The following AGMO variants were observed in gnomAD, a reference collection of about 807,000 sequenced individuals.
The protein encoded by AGMO is alkylglycerol monooxygenase.
A neutral mutation model predicts 60.2 loss-of-function variants in AGMO; 75 were observed. The observed-to-expected ratio is 1.25, with a 90% CI of 1.03 to 1.51. The LOEUF (loss-of-function observed/expected upper bound fraction) is 1.51. AGMO is among the 40% of genes most tolerant of loss of function. AGMO has a pLI of 0.00. For missense variants in AGMO, 763 were observed against 525.5 expected (o/e 1.45, Z -4.42); for synonymous variants, 261 against 177.1 (o/e 1.47, Z -3.76).
At chr7:15,520,869 T>C (rs1190361788) in intron 3 of AGMO, among the ~76,000 whole-genome samples, 2 of 152,002 alleles carry the variant, frequency 1.3e-5, no homozygotes, top group Non-Finnish European at 2.9e-5. Context: ...CTGAAGGATA[T>C]AAAGACATGA....
chr7:15,186,518 A>G, the AGMO span, among the ~76,000 whole-genome samples: 1 of 152,186 alleles, frequency 6.6e-6, no homozygotes, highest in Non-Finnish European at 1.5e-5. Flanking sequence ...GCAAAGAATG[A>G]GTAGGAAGAA....
rs1784277726 is a variant in AGMO at position 15,394,272 on chromosome 7, G to C, written c.610-93C>G. 3 of 967,476 alleles carry C rather than the reference G, an allele frequency of 3.1e-6. No homozygotes were observed. In the East Asian group the frequency reaches 7.3e-5, roughly 24 times the overall value. 59.9% of individuals were successfully genotyped at this position (967,476 alleles called of 1,614,324 possible). On this transcript the variant is annotated intron_variant, in intron 5 of 12. Coordinates refer to ENST00000342526, the MANE Select transcript of AGMO (RefSeq NM_001004320.2). ...CACATTAGAAACTCACATAAATTAAGAGATATTGCGAATTTCAGGGTTGGT... is the reference window on the plus strand; with the variant it reads ...CACATTAGAAACTCACATAAATTAACAGATATTGCGAATTTCAGGGTTGGT...
chr7:15,266,938 C>A (rs1783449717), intron 12 of AGMO, among the ~76,000 whole-genome samples: 1 of 151,918 alleles, frequency 6.6e-6, no homozygotes, highest in Admixed American at 6.6e-5. Context: ...ACAGAAGAGG[C>A]AATCTACTCT....
chr7:15,121,335 C>T, the AGMO span, among the ~76,000 whole-genome samples: 2 of 151,912 alleles, frequency 1.3e-5, no homozygotes, highest in African/African-American at 4.8e-5. Flanking sequence ...GGGTATATAC[C>T]CAGTGATGGG....
intron 3 of AGMO, among the ~76,000 whole-genome samples, chr7:15,491,788 C>T (rs1562533887): frequency 6.6e-6 from 1 of 152,160 alleles, no homozygotes. Context: ...AAAATTATCT[C>T]AGGGCATTAT....
chr7:15,494,322 A>C (rs1783163240), intron 3 of AGMO, among the ~76,000 whole-genome samples: 1 of 152,200 alleles, frequency 6.6e-6, no homozygotes, highest in Non-Finnish European at 1.5e-5. Flanking sequence ...GTTAAAACTG[A>C]ATTTCATACC....
At chr7:15,120,917 C>T in the AGMO span, among the ~76,000 whole-genome samples, 3 of 152,168 alleles carry the variant, frequency 2.0e-5, no homozygotes, top group African/African-American at 7.2e-5. Flanking sequence ...AACCCGTCTT[C>T]CAGGTTTTAA....
the AGMO span, among the ~76,000 whole-genome samples, chr7:15,140,180 G>C: frequency 4.6e-5 from 7 of 151,726 alleles, no homozygotes; most frequent in African/African-American, 1.2e-4. Context: ...ATAAATTAAA[G>C]CAATAATGAA....
intron 3 of AGMO, among the ~76,000 whole-genome samples, chr7:15,461,846 A>G (rs568789758): frequency 6.6e-6 from 1 of 152,238 alleles, no homozygotes; most frequent in Non-Finnish European, 1.5e-5. Flanking sequence ...AAATAAGAAT[A>G]CTGTTTTGTG....
At chr7:15,518,367 C>A (rs1432331132) in intron 3 of AGMO, among the ~76,000 whole-genome samples, 2 of 152,166 alleles carry the variant, frequency 1.3e-5, no homozygotes, top group Non-Finnish European at 2.9e-5. Flanking sequence ...CCCCATGCCT[C>A]CTGACTGGGA....
intron 12 of AGMO, among the ~76,000 whole-genome samples, chr7:15,278,315 C>T (rs1783857278): frequency 6.6e-6 from 1 of 152,112 alleles, no homozygotes; most frequent in African/African-American, 2.4e-5. Flanking sequence ...TTAGGTCAGC[C>T]TGACCTTAGG....
intron 12 of AGMO, among the ~76,000 whole-genome samples, chr7:15,341,067 T>C (rs1184261708): frequency 6.6e-6 from 1 of 152,118 alleles, no homozygotes; most frequent in Non-Finnish European, 1.5e-5. Context: ...ATATGAGACA[T>C]GGAGTCAAAG....
intron 3 of AGMO, among the ~76,000 whole-genome samples, chr7:15,453,588 T>C (rs1781912803): frequency 6.6e-6 from 1 of 152,130 alleles, no homozygotes; most frequent in Admixed American, 6.6e-5. Context: ...TCAAACCAGG[T>C]CTTGAAGCAT....
chr7:15,549,244 A>G (rs1377029604), intron 2 of AGMO, among the ~76,000 whole-genome samples: 2 of 145,862 alleles, frequency 1.4e-5, no homozygotes, highest in Non-Finnish European at 3.0e-5. Flanking sequence ...GAGACTAGGA[A>G]GAAACTGCAT....
intron 2 of AGMO, among the ~76,000 whole-genome samples, chr7:15,553,915 G>C (rs970537473): frequency 4.6e-5 from 7 of 152,032 alleles, no homozygotes; most frequent in African/African-American, 1.7e-4. Context: ...ACACACATTA[G>C]CATGAAGCCT....
At chr7:15,415,956 C>T (rs1780755554) in intron 5 of AGMO, among the ~76,000 whole-genome samples, 1 of 150,752 alleles carries the variant, frequency 6.6e-6, no homozygotes, top group Admixed American at 6.6e-5. Context: ...AGTTTCAAGC[C>T]AAATGTTTCA....
Position 15,209,744 on chromosome 7 carries a change from T to C in AGMO, c.1264-8385A>G, listed in dbSNP as rs1781536106. Among the ~76,000 whole-genome samples, 8 of 152,270 alleles carry C rather than the reference T, an allele frequency of 5.3e-5. No individual in the cohort carries two copies. The South Asian group carries it at 1.7e-3, about 32-fold the overall frequency. On this transcript the variant is annotated intron_variant, in intron 12 of 12. Transcript: ENST00000342526. ...CAGAGTCTTGACTGATGGGAAACAA[T>C]GACTGGTTCCTAAGAAAGCCACAGC... is the stretch of plus-strand genomic sequence containing the variant.
At chr7:15,276,229 G>A (rs940309528) in intron 12 of AGMO, among the ~76,000 whole-genome samples, 1 of 152,092 alleles carries the variant, frequency 6.6e-6, no homozygotes, top group African/African-American at 2.4e-5. Context: ...CAGTCTAGTG[G>A]TGACAAATAC....
chr7:15,476,561 C>T (rs1456425888), intron 3 of AGMO, among the ~76,000 whole-genome samples: 1 of 151,992 alleles, frequency 6.6e-6, no homozygotes, highest in African/African-American at 2.4e-5. Flanking sequence ...AAAATACAAT[C>T]TGGGTTTGTG....
Sources: allele counts gnomAD v4.1 joint callset (sites outside exome capture counted in the v4.1 genomes callset), GRCh38; gene constraint gnomAD v4.1.1; transcripts MANE v1.5; gene names NCBI Gene and HGNC (gene_info 2026-07-23, HGNC 2026-07-21).